The following DLGAP2 variants were observed in gnomAD, a reference collection of about 807,000 sequenced individuals.
The protein encoded by DLGAP2 is DLG associated protein 2, also known as disks large-associated protein 2.
A neutral mutation model predicts 100.3 loss-of-function variants in DLGAP2; 26 were observed. That is an observed-to-expected ratio of 0.26 (90% CI 0.19 to 0.36). DLGAP2 has a LOEUF of 0.36. Among genes scored for constraint, DLGAP2 ranks in the 10% least tolerant of loss-of-function variants. The pLI is 1.00. For synonymous variants in DLGAP2, 886 were observed against 630.1 expected (o/e 1.41, Z -6.08); for missense variants, 1,858 against 1,453.2 (o/e 1.28, Z -4.53).
At position 1,219,335 on chromosome 8, in the gene DLGAP2, G is replaced by A. The variant is rs141770885; in HGVS notation, c.74-39516G>A. Among the ~76,000 whole-genome samples the A allele has an allele frequency of 2.1e-4, 32 of 152,234 alleles. No homozygotes were observed. In the South Asian group the frequency reaches 6.4e-3, roughly 31 times the overall value. On this transcript the variant is annotated intron_variant, in intron 2 of 14. Coordinates refer to ENST00000637795, the MANE Select transcript of DLGAP2 (RefSeq NM_001346810.2). ...AGGGTTTTTAACATGAAAGGATGTT[G>A]AATTCTATCGAAAGCCTTTTCTGCA...
intron 3 of DLGAP2, among the ~76,000 whole-genome samples, chr8:1,288,582 A>T (rs1224547879): frequency 3.4e-5 from 2 of 58,610 alleles, no homozygotes; most frequent in South Asian, 5.9e-4. Flanking sequence ...AACTAGTTTC[A>T]GTTGAGTGTG....
chr8:1,272,250 C>T (rs1449898772), intron 3 of DLGAP2, among the ~76,000 whole-genome samples: 1 of 152,054 alleles, frequency 6.6e-6, no homozygotes, highest in Non-Finnish European at 1.5e-5. Flanking sequence ...GGTATTTCTG[C>T]AGTTAGAGAT....
At chr8:1,503,573 A>G (rs1799798648) in intron 4 of DLGAP2, among the ~76,000 whole-genome samples, 1 of 152,082 alleles carries the variant, frequency 6.6e-6, no homozygotes, top group Non-Finnish European at 1.5e-5. Flanking sequence ...ACTGCTGTGA[A>G]CACGGAGTGC....
chr8:1,343,055 AT>A (rs1196426691), intron 3 of DLGAP2, among the ~76,000 whole-genome samples: 3 of 152,082 alleles, frequency 2.0e-5, no homozygotes, highest in African/African-American at 7.2e-5. Context: ...TTTTGTTCAT[AT>A]TTTCACAAAC....
intron 3 of DLGAP2, among the ~76,000 whole-genome samples, chr8:1,288,835 G>A (rs1022742207): frequency 1.3e-5 from 2 of 152,006 alleles, no homozygotes; most frequent in Non-Finnish European, 2.9e-5. Context: ...GTGTGTACAT[G>A]GTTCTGTTAG....
intron 14 of DLGAP2, among the ~76,000 whole-genome samples, chr8:1,698,567 A>C (rs367755577): frequency 7.6e-5 from 6 of 78,682 alleles, no homozygotes; most frequent in African/African-American, 1.8e-4. Flanking sequence ...CAAGTAAGCC[A>C]TGCATGGGAC....
intron 13 of DLGAP2, among the ~76,000 whole-genome samples, chr8:1,693,495 T>A (rs951054362): frequency 3.3e-5 from 5 of 152,206 alleles, no homozygotes; most frequent in Non-Finnish European, 5.9e-5. Flanking sequence ...CGATTTCTTT[T>A]CAGACCAAAC....
intron 1 of DLGAP2, among the ~76,000 whole-genome samples, chr8:901,860 C>T (rs1197518843): frequency 6.6e-6 from 1 of 152,216 alleles, no homozygotes; most frequent in Non-Finnish European, 1.5e-5. Flanking sequence ...TTGTTGCTCC[C>T]GTTTGCAGGC....
chr8:1,011,346 C>T (rs1014035526), intron 2 of DLGAP2, among the ~76,000 whole-genome samples: 1 of 149,130 alleles, frequency 6.7e-6, no homozygotes, highest in Non-Finnish European at 1.5e-5. Flanking sequence ...TCAGTCTGCA[C>T]AGTGAGCCCT....
At chr8:1,215,958 T>G (rs1228797971) in intron 2 of DLGAP2, among the ~76,000 whole-genome samples, 1 of 151,722 alleles carries the variant, frequency 6.6e-6, no homozygotes, top group Non-Finnish European at 1.5e-5. Flanking sequence ...GTGCATCACC[T>G]GGAGACGTCC....
At chr8:1,100,768 G>A (rs912092892) in intron 2 of DLGAP2, among the ~76,000 whole-genome samples, 1 of 152,172 alleles carries the variant, frequency 6.6e-6, no homozygotes, top group African/African-American at 2.4e-5. Flanking sequence ...ACAGAGTTTT[G>A]TAAGAAGGAG....
At chr8:1,256,152 G>A (rs1368266962) in intron 2 of DLGAP2, among the ~76,000 whole-genome samples, 1 of 135,680 alleles carries the variant, frequency 7.4e-6, no homozygotes, top group Non-Finnish European at 1.6e-5. Context: ...TCATGCCTGG[G>A]TGCTGTGTGT....
At chr8:950,513 A>C (rs1302050453) in intron 2 of DLGAP2, among the ~76,000 whole-genome samples, 1 of 152,122 alleles carries the variant, frequency 6.6e-6, no homozygotes, top group African/African-American at 2.4e-5. Flanking sequence ...AAAATACAGC[A>C]CAGTTAGTAA....
intron 6 of DLGAP2, among the ~76,000 whole-genome samples, chr8:1,609,280 C>T (rs1314908425): frequency 7.1e-6 from 1 of 141,610 alleles, no homozygotes; most frequent in Non-Finnish European, 1.6e-5. Flanking sequence ...ATTTCATATC[C>T]AGCCAAACTA....
intron 2 of DLGAP2, among the ~76,000 whole-genome samples, chr8:1,060,465 C>T (rs1803046804): frequency 6.6e-6 from 1 of 152,056 alleles, no homozygotes; most frequent in Middle Eastern, 3.2e-3. Context: ...AGCGCGTCAC[C>T]GACCCCTGCC....
chr8:1,571,213 G>C (rs1205214450), intron 6 of DLGAP2, among the ~76,000 whole-genome samples: 2 of 141,450 alleles, frequency 1.4e-5, no homozygotes, highest in African/African-American at 5.4e-5. Flanking sequence ...GAGGGGAGAG[G>C]GTGAACTCTG....
rs548201142 is a variant in DLGAP2, at chr8:1,201,891, T to C, written c.74-56960T>C. 2.3e-3 allele frequency among the ~76,000 whole-genome samples: 356 copies of C among 152,164 alleles called. 7 individuals are homozygous for C. The highest frequency in any genetic ancestry group is 5.8e-4 in the East Asian group (3 of 5,168). On this transcript the variant is annotated intron_variant, in intron 2 of 14. Transcript: ENST00000637795. ...CTGTGGTGTGTGTGTAAGCATGTGG[T>C]GTGTATGTACATGTGTGCACATGTG... is the stretch of plus-strand genomic sequence containing the variant.
chr8:835,044 CAT>C (rs1009807660), intron 1 of DLGAP2, among the ~76,000 whole-genome samples: 6 of 152,110 alleles, frequency 3.9e-5, no homozygotes, highest in African/African-American at 4.8e-5. Context: ...TTACTGCTCA[CAT>C]GTGTGCACGT....
At chr8:812,043 C>G (rs188074246) in intron 1 of DLGAP2, among the ~76,000 whole-genome samples, 1 of 152,286 alleles carries the variant, frequency 6.6e-6, no homozygotes, top group African/African-American at 2.4e-5. Context: ...CTGTACTGGT[C>G]GAGGTTCTCC....
Sources: allele counts gnomAD v4.1 joint callset (sites outside exome capture counted in the v4.1 genomes callset), GRCh38; gene constraint gnomAD v4.1.1; transcripts MANE v1.5; gene names NCBI Gene and HGNC (gene_info 2026-07-23, HGNC 2026-07-21).